Variants in POTEE observed in about 807,000 individuals in gnomAD.
The protein encoded by POTEE is POTE ankyrin domain family member E, also known as ANKRD26-like family C member 1A.
In POTEE, 21 loss-of-function variants were observed where a neutral mutation model predicts 74.2. The observed-to-expected ratio is 0.28, with a 90% CI of 0.20 to 0.41. The LOEUF (loss-of-function observed/expected upper bound fraction) is 0.41. POTEE is among the 10% of genes least tolerant of loss of function. POTEE has a pLI of 1.00. For synonymous variants in POTEE, 211 were observed against 432.8 expected, an observed-to-expected ratio of 0.49 and a Z score of 6.36; for missense variants, 525 against 1,158.6, an observed-to-expected ratio of 0.45 and a Z score of 7.94.
chr2:131,230,610 G>A (rs1700923037), intron 8 of POTEE, among the ~76,000 whole-genome samples: 1 of 152,062 alleles, frequency 6.6e-6, no homozygotes, highest in African/African-American at 2.4e-5. Context: ...AATTTACTGG[G>A]TCACAGTGCC....
At chr2:131,221,436 C>T (rs1306651540) in intron 4 of POTEE, among the ~76,000 whole-genome samples, 3 of 152,084 alleles carry the variant, frequency 2.0e-5, no homozygotes, top group Non-Finnish European at 4.4e-5. Context: ...AAACTTGTTT[C>T]TGGGGATTTG....
intron 9 of POTEE, among the ~76,000 whole-genome samples, chr2:131,231,856 C>G (rs1238530184): frequency 2.6e-5 from 4 of 152,120 alleles, no homozygotes; most frequent in Non-Finnish European, 5.9e-5. Context: ...ATAGTCCAAA[C>G]TGTATGAGGA....
Position 131,263,773 on chromosome 2 carries a change from A to G in POTEE, c.2318A>G (p.His773Arg). Residue 773 changes from histidine (H) to arginine (R), a missense_variant, in exon 18 of 18, where the codon CAC becomes CGC. Coordinates refer to ENST00000683005, the MANE Select transcript of POTEE (RefSeq NM_001083538.3). ...CTGACCCTGAAGTACCCCATGGAAC[A>G]CGGCATCATCACCAACTGGGATGAC... ...GILTLKYPME[H>R]GIITNWDDME... 6.2e-7 allele frequency: 1 copy of G among 1,613,198 alleles called. No homozygotes were observed. The highest frequency in any genetic ancestry group is 2.2e-5 in the East Asian group (1 of 44,866).
At position 131,221,227 on chromosome 2, in the gene POTEE, A is replaced by C. The variant is rs1225270668; in HGVS notation, c.521+2304A>C. Among the ~76,000 whole-genome samples, 5 of 152,050 alleles carry C rather than the reference A, an allele frequency of 3.3e-5. No homozygotes were observed. The East Asian group carries it at 9.6e-4, about 29-fold the overall frequency. ...TAGCAGTGTATTTAGAAGAACCCAT[A>C]TAAAGATTTCATGGACAAATTTCAG... is the stretch of plus-strand genomic sequence containing the variant. On this transcript the variant is annotated intron_variant, in intron 4 of 17. Coordinates refer to ENST00000683005, the MANE Select transcript of POTEE (RefSeq NM_001083538.3).
At chr2:131,222,201 A>G (rs1465567529) in intron 4 of POTEE, among the ~76,000 whole-genome samples, 1 of 152,158 alleles carries the variant, frequency 6.6e-6, no homozygotes, top group Non-Finnish European at 1.5e-5. Context: ...TGTGGTACAT[A>G]AACAGCATGG....
rs1232916365 is a variant in POTEE at position 131,263,446 on chromosome 2, C to T, written c.1991C>T (p.Thr664Ile). Reference protein sequence around the residue: ...EIAMLRLELDTMKHQSQLREK... With the variant: ...EIAMLRLELDIMKHQSQLREK... ...GCCATGCTAAGACTGGAGCTAGACA[C>T]AATGAAACATCAGAGCCAGCTAAGA... Residue 664 changes from threonine to isoleucine, a missense_variant, in exon 18 of 18, where the codon ACA becomes ATA. Transcript: ENST00000683005. 5.6e-6 allele frequency: 9 copies of T among 1,611,550 alleles called. No individual in the cohort carries two copies. In the Admixed American group the frequency reaches 6.7e-5, roughly 12 times the overall value.
chr2:131,212,197 T>G (rs1700373558), intron 2 of POTEE, among the ~76,000 whole-genome samples: 1 of 151,998 alleles, frequency 6.6e-6, no homozygotes, highest in Non-Finnish European at 1.5e-5. Flanking sequence ...GTTGTATAAT[T>G]AGTTACTTGA....
intron 4 of POTEE, among the ~76,000 whole-genome samples, chr2:131,219,932 T>G: frequency 6.6e-6 from 1 of 152,062 alleles, no homozygotes; most frequent in East Asian, 1.9e-4. Flanking sequence ...TTCCACAAAT[T>G]GTTTACTAAC....
Position 131,265,193 on chromosome 2 carries a change from CTCCCTGAG to C in POTEE, c.*511_*518del, listed in dbSNP as rs1701871185. ...CTTGGGGTGTATGAAGGCTTTTGGT[CTCCCTGAG>C]AGTGGCTGGAGGCAGCCAGGGCTTA... On this transcript the variant is annotated 3_prime_UTR_variant, in exon 18 of 18. Transcript: ENST00000683005. 2 of 145,534 alleles carry C rather than the reference CTCCCTGAG, an allele frequency of 1.4e-5. No homozygotes were observed. Among genetic ancestry groups the C allele is most frequent in the Non-Finnish European group, 2.9e-5 (2 of 68,512 alleles). The allele number at this position is 145,534 out of a possible 1,614,324, so 9.0% of individuals were successfully genotyped here.
intron 2 of POTEE, among the ~76,000 whole-genome samples, chr2:131,211,732 A>G (rs1700364420): frequency 6.6e-6 from 1 of 150,452 alleles, no homozygotes; most frequent in Non-Finnish European, 1.5e-5. Flanking sequence ...TTATTTTTGT[A>G]TTTTTAGTAG....
intron 2 of POTEE, among the ~76,000 whole-genome samples, chr2:131,211,520 C>T (rs1458298759): frequency 2.0e-5 from 1 of 50,266 alleles, no homozygotes; most frequent in South Asian, 8.8e-4. Flanking sequence ...TAGGGGGTGA[C>T]TGTGTGTGTG....
chr2:131,218,412 G>A lies in POTEE; in HGVS notation c.10G>A (p.Glu4Lys). The A allele has an allele frequency of 6.2e-7, 1 of 1,612,760 alleles. No individual in the cohort carries two copies. The highest frequency in any genetic ancestry group is 1.1e-5 in the South Asian group (1 of 91,020). The change falls in exon 4 of 18, where the codon GAG becomes AAG. Residue 4 changes from glutamate (E) to lysine (K), a missense_variant. Glu to Lys is a moderately conservative substitution (Grantham distance 56). Coordinates refer to ENST00000683005, the MANE Select transcript of POTEE (RefSeq NM_001083538.3). ...TGGCTGTTAAAAGCAGATGGTGGTT[G>A]AGGTTGATTCCATGCCGGCTGCCTC... MVV[E>K]VDSMPAASSV...
At chr2:131,226,706 A>G (rs1418410388) in intron 6 of POTEE, 117 bp from the exon 7 acceptor site, 6 of 1,518,720 alleles carry the variant, frequency 4.0e-6, no homozygotes, top group Admixed American at 2.0e-5. Context: ...AAGCGAGTAC[A>G]TTTTATTTAC....
chr2:131,224,787 T>C (rs1332100691), intron 6 of POTEE, among the ~76,000 whole-genome samples: 3 of 151,240 alleles, frequency 2.0e-5, no homozygotes, highest in Admixed American at 6.6e-5. Flanking sequence ...TGGCAGTGAA[T>C]AGGTGGTAAT....
At chr2:131,221,056 A>G (rs1351345023) in intron 4 of POTEE, among the ~76,000 whole-genome samples, 1 of 152,190 alleles carries the variant, frequency 6.6e-6, no homozygotes, top group African/African-American at 2.4e-5. Context: ...GTAGTCATTT[A>G]AAGTTTAAAT....
intron 4 of POTEE, among the ~76,000 whole-genome samples, chr2:131,219,780 T>C (rs906892707): frequency 6.6e-6 from 1 of 152,052 alleles, no homozygotes; most frequent in African/African-American, 2.4e-5. Context: ...TTTATCACTT[T>C]TACCTAAGCC....
chr2:131,218,641 T>A lies in POTEE; in HGVS notation c.239T>A (p.Val80Glu), dbSNP rs754513869. 46 of 1,609,868 alleles carry A rather than the reference T, an allele frequency of 2.9e-5. No homozygotes were observed. In the Admixed American group the frequency reaches 7.5e-4, roughly 26 times the overall value. ...PCCRGSGKSN[V>E]GASGDHDDSA... Reference sequence around the variant, plus strand: ...TGCAGGGGGAGTGGCAAGAGCAACGTGGGCGCTTCTGGAGACCACGACGAC... The same window carrying A: ...TGCAGGGGGAGTGGCAAGAGCAACGAGGGCGCTTCTGGAGACCACGACGAC... The change falls in exon 4 of 18, where the codon GTG becomes GAG. Residue 80 changes from valine to glutamate, a missense_variant. Transcript: ENST00000683005.
chr2:131,222,735 G>A (rs986241835), intron 4 of POTEE, among the ~76,000 whole-genome samples: 9 of 152,218 alleles, frequency 5.9e-5, no homozygotes, highest in East Asian at 1.9e-4. Context: ...TTGAATTCCA[G>A]GTTTTCTTTG....
intron 6 of POTEE, among the ~76,000 whole-genome samples, chr2:131,226,484 G>GC (rs1188218727): frequency 3.7e-5 from 5 of 136,930 alleles, no homozygotes; most frequent in Non-Finnish European, 6.1e-5. Flanking sequence ...AAAAGATACA[G>GC]CCCCTGCCCT....
Sources: gnomAD v4.1 joint callset for allele counts (sites outside exome capture counted in the v4.1 genomes callset) on GRCh38, gnomAD v4.1.1 for gene constraint, MANE v1.5 for transcripts, NCBI Gene and HGNC (gene_info 2026-07-23, HGNC 2026-07-21) for gene names.